Variants in LOC112694756 observed in about 807,000 individuals in gnomAD.
At chr16:30,068,443 G>A in the LOC112694756 span, 1 of 660,756 alleles carries the variant, frequency 1.5e-6, no homozygotes, top group African/African-American at 1.8e-5. Context: ...TTAAGTAAAT[G>A]TGGGGGAAGA....
the LOC112694756 span, chr16:30,068,292 CTGATCTCG>C: frequency 1.1e-5 from 4 of 356,278 alleles, no homozygotes; most frequent in Non-Finnish European, 2.2e-5. Flanking sequence ...TCTCGATCTC[CTGATCTCG>C]TGATCTGCCC....
At chr16:30,067,706 G>A in the LOC112694756 span, 3 of 1,609,462 alleles carry the variant, frequency 1.9e-6, no homozygotes, top group Non-Finnish European at 2.6e-6. Context: ...TGGAAGTGGA[G>A]GAAGGAAATC....
the LOC112694756 span, among the ~76,000 whole-genome samples, chr16:30,054,082 G>T: frequency 6.6e-6 from 1 of 152,014 alleles, no homozygotes; most frequent in Non-Finnish European, 1.5e-5. Flanking sequence ...CACTTTGGGA[G>T]GCCGAGGCGG....
chr16:30,068,126 G>A, the LOC112694756 span: 7 of 248,460 alleles, frequency 2.8e-5, no homozygotes, highest in East Asian at 5.4e-4. Context: ...GCAGTGGTGC[G>A]ATCTCTTGGC....
At chr16:30,065,864 T>C in the LOC112694756 span, 1 of 153,120 alleles carries the variant, frequency 6.5e-6, no homozygotes, top group Non-Finnish European at 1.5e-5. Flanking sequence ...TCTCCTTGAA[T>C]CCACTCGCCA....
the LOC112694756 span, chr16:30,067,833 A>G: frequency 1.3e-6 from 1 of 747,374 alleles, no homozygotes; most frequent in South Asian, 1.6e-5. Context: ...CTGAGAGAAC[A>G]GTATCATTCC....
the LOC112694756 span, chr16:30,069,282 G>A: frequency 6.2e-7 from 1 of 1,613,824 alleles, no homozygotes; most frequent in Non-Finnish European, 8.5e-7. Flanking sequence ...AGGCCTCACA[G>A]TGACCCTGTC....
the LOC112694756 span, among the ~76,000 whole-genome samples, chr16:30,054,327 A>T: frequency 1.8e-4 from 27 of 152,048 alleles, no homozygotes; most frequent in Admixed American, 1.3e-4. Flanking sequence ...TAAGAATAAT[A>T]ATAATAAAAT....
the LOC112694756 span, chr16:30,069,199 G>C: frequency 9.3e-5 from 132 of 1,416,270 alleles, 1 homozygote; most frequent in East Asian, 3.0e-3. Context: ...TTTGAAGCCT[G>C]AGTCCCTGGC....
the LOC112694756 span, chr16:30,068,501 GC>G: frequency 1.1e-6 from 1 of 873,598 alleles, no homozygotes; most frequent in African/African-American, 2.0e-5. Flanking sequence ...TACCTAGGAG[GC>G]TGAGGCGGGA....
At chr16:30,064,516 A>AG in the LOC112694756 span, 43 of 398,724 alleles carry the variant, frequency 1.1e-4, 1 homozygote, top group Admixed American at 1.8e-3. Context: ...GTGAGTGGGC[A>AG]GGGGCTCCCT....
the LOC112694756 span, chr16:30,068,062 ATTTTT>A: frequency 2.0e-4 from 35 of 176,810 alleles, no homozygotes; most frequent in East Asian, 7.8e-4. Flanking sequence ...TTTTAAGTAA[ATTTTT>A]TTTTTTTTTT....
the LOC112694756 span, chr16:30,067,182 A>G: frequency 2.8e-5 from 45 of 1,610,276 alleles, no homozygotes; most frequent in Non-Finnish European, 3.4e-5. Flanking sequence ...TCATCGGGAG[A>G]TGATGGGAAA....
the LOC112694756 span, chr16:30,068,126 G>C: frequency 2.4e-5 from 6 of 248,458 alleles, no homozygotes; most frequent in African/African-American, 1.2e-4. Flanking sequence ...GCAGTGGTGC[G>C]ATCTCTTGGC....
the LOC112694756 span, chr16:30,069,805 C>T: frequency 6.2e-7 from 1 of 1,614,020 alleles, no homozygotes; most frequent in Non-Finnish European, 8.5e-7. Context: ...ACCACAGCCC[C>T]TCTCGCCTCA....
the LOC112694756 span, chr16:30,059,172 C>CCTGTGGGAA: frequency 2.6e-6 from 1 of 392,018 alleles, no homozygotes; most frequent in East Asian, 3.6e-5. Flanking sequence ...AGGTTAAGAA[C>CCTGTGGGAA]CACTGCTGAG....
chr16:30,053,679 A>G, the LOC112694756 span, among the ~76,000 whole-genome samples: 1 of 152,190 alleles, frequency 6.6e-6, no homozygotes, highest in Admixed American at 6.5e-5. Context: ...GGGAGGGCAC[A>G]TTTCTGGTAT....
At chr16:30,070,241 A>G in the LOC112694756 span, 2 of 1,607,992 alleles carry the variant, frequency 1.2e-6, no homozygotes, top group Non-Finnish European at 1.7e-6. Flanking sequence ...TGCCCCCAAC[A>G]CTCCAGGCCC....
chr16:30,069,045 A>G, the LOC112694756 span: 7 of 1,604,696 alleles, frequency 4.4e-6, no homozygotes, highest in East Asian at 2.2e-5. Context: ...TAATTTGCCT[A>G]TTACCTGCCA....
Sources: allele counts gnomAD v4.1 joint callset (sites outside exome capture counted in the v4.1 genomes callset), GRCh38; gene constraint gnomAD v4.1.1; transcripts MANE v1.5.